Variants in XXYLT1 observed in about 807,000 individuals in gnomAD.
XXYLT1 encodes the protein xyloside xylosyltransferase 1, also known as UDP-xylose:alpha-xyloside alpha-1,3-xylosyltransferase.
XXYLT1 carries 20 observed loss-of-function variants against 28.9 expected under a neutral mutation model. The ratio of observed to expected loss-of-function variants is 0.69; its 90% CI spans 0.49 to 1.00. The LOEUF is 1.00. Ranked by LOEUF, XXYLT1 falls within the 50% of genes least tolerant of loss-of-function variation. The pLI is 0.00. For missense variants in XXYLT1, 542 were observed against 560.1 expected (o/e 0.97, Z 0.33); for synonymous variants, 257 against 253.8 (o/e 1.01, Z -0.12).
intron 2 of XXYLT1, among the ~76,000 whole-genome samples, chr3:195,174,344 C>T (rs1031666661): frequency 2.0e-5 from 3 of 151,988 alleles, no homozygotes; most frequent in African/African-American, 7.3e-5. Flanking sequence ...GGCAATTATA[C>T]CTTTTTTTTT....
intron 3 of XXYLT1, among the ~76,000 whole-genome samples, chr3:195,110,237 T>TGTATAA (rs1717476014): frequency 2.7e-4 from 4 of 14,602 alleles, no homozygotes; most frequent in African/African-American, 5.7e-4. Context: ...AAGTGTGTGG[T>TGTATAA]GTGCGTGTGT....
chr3:195,107,089 A>T (rs1237442380), intron 3 of XXYLT1, among the ~76,000 whole-genome samples: 1 of 152,158 alleles, frequency 6.6e-6, no homozygotes, highest in Non-Finnish European at 1.5e-5. Context: ...GGTGGAATGG[A>T]GAGCTCTCGT....
chr3:195,132,241 T>C (rs574903440), intron 3 of XXYLT1, among the ~76,000 whole-genome samples: 2 of 152,352 alleles, frequency 1.3e-5, no homozygotes, highest in South Asian at 4.1e-4. Context: ...ATTGGCTTTA[T>C]GGAGTTGGGA....
chr3:195,137,759 T>C (rs948195252), intron 3 of XXYLT1, among the ~76,000 whole-genome samples: 3 of 152,248 alleles, frequency 2.0e-5, no homozygotes, highest in Admixed American at 6.5e-5. Context: ...CTTAGTATTA[T>C]GTCATGTGTA....
intron 3 of XXYLT1, among the ~76,000 whole-genome samples, chr3:195,088,209 T>G (rs758835549): frequency 0.041 from 6,173 of 151,510 alleles, 175 homozygotes; most frequent in Non-Finnish European, 0.066. Context: ...TGCCTGCCTC[T>G]GTAGGCTCCA....
intron 3 of XXYLT1, among the ~76,000 whole-genome samples, chr3:195,111,411 C>T (rs377043934): frequency 1.5e-4 from 23 of 151,998 alleles, no homozygotes; most frequent in Admixed American, 3.9e-4. Context: ...CAATCCATAG[C>T]AGAGAGGGGA....
At chr3:195,258,709 G>A (rs959087725) in intron 1 of XXYLT1, among the ~76,000 whole-genome samples, 1 of 152,184 alleles carries the variant, frequency 6.6e-6, no homozygotes, top group African/African-American at 2.4e-5. Context: ...CCTTCCAGCA[G>A]GAAAGAGAAA....
chr3:195,150,808 TCACA>T lies in XXYLT1; in HGVS notation c.785+5637_785+5640del, dbSNP rs1280393882. On this transcript the variant is annotated intron_variant, in intron 3 of 3. Transcript: ENST00000310380. The surrounding 1 kb of genome is among the most constrained non-coding windows in gnomAD (Gnocchi z 4.7). ...CACACATATGCACACTCTCACACACTCACATACACACACACTCACACATACGCAC... is the reference window on the plus strand; with the variant it reads ...CACACATATGCACACTCTCACACACTTACACACACACTCACACATACGCAC... 4.1e-5 allele frequency among the ~76,000 whole-genome samples: 6 copies of T among 144,684 alleles called. No homozygotes were observed. Among genetic ancestry groups the T allele is most frequent in the Non-Finnish European group, 7.6e-5 (5 of 65,600 alleles). 94.9% of individuals were successfully genotyped at this position (144,684 alleles called of 152,430 possible).
At chr3:195,092,905 T>C (rs1201686481) in intron 3 of XXYLT1, among the ~76,000 whole-genome samples, 1 of 111,054 alleles carries the variant, frequency 9.0e-6, no homozygotes, top group Non-Finnish European at 1.7e-5. Flanking sequence ...AAGACATTTA[T>C]GCAGCCAAAA....
intron 2 of XXYLT1, among the ~76,000 whole-genome samples, chr3:195,181,320 C>A (rs1239427113): frequency 6.6e-6 from 1 of 152,144 alleles, no homozygotes; most frequent in Admixed American, 6.5e-5. Context: ...GCATGTTTTG[C>A]CACCAGGCGT....
chr3:195,129,743 C>T lies in XXYLT1; in HGVS notation c.785+26706G>A, dbSNP rs563197210. 5.3e-5 allele frequency among the ~76,000 whole-genome samples: 8 copies of T among 152,158 alleles called. No homozygotes were observed. The highest frequency in any genetic ancestry group is 1.4e-4 in the African/African-American group (6 of 41,500). Reference sequence around the variant, plus strand: ...CTCTCGGGCATTTGGTGATTTCCACCGTTTGGCTATTATGACTCATGCTGA... The same window carrying T: ...CTCTCGGGCATTTGGTGATTTCCACTGTTTGGCTATTATGACTCATGCTGA... On this transcript the variant is annotated intron_variant, in intron 3 of 3. Coordinates refer to ENST00000310380, the MANE Select transcript of XXYLT1 (RefSeq NM_152531.5). The surrounding 1 kb of genome is among the most constrained non-coding windows in gnomAD (Gnocchi z 4.4).
At chr3:195,174,196 C>G (rs1277263715) in intron 2 of XXYLT1, among the ~76,000 whole-genome samples, 1 of 152,204 alleles carries the variant, frequency 6.6e-6, no homozygotes, top group Non-Finnish European at 1.5e-5. Flanking sequence ...GACCCTTTGT[C>G]TAGAGCCTCA....
intron 2 of XXYLT1, among the ~76,000 whole-genome samples, chr3:195,196,322 G>A (rs552595758): frequency 2.0e-5 from 3 of 152,314 alleles, no homozygotes; most frequent in Non-Finnish European, 2.9e-5. Context: ...TGCAGGGTGC[G>A]GCAGGAAGCA....
intron 3 of XXYLT1, among the ~76,000 whole-genome samples, chr3:195,153,563 T>C (rs4677662): frequency 0.13 from 19,739 of 152,226 alleles, 1,519 homozygotes; most frequent in East Asian, 0.27. Context: ...ATGGTTATCA[T>C]AGTACATAAT....
intron 2 of XXYLT1, among the ~76,000 whole-genome samples, chr3:195,177,352 A>G (rs112255581): frequency 0.019 from 2,898 of 152,290 alleles, 93 homozygotes; most frequent in African/African-American, 0.066. Context: ...GATGACCTCA[A>G]ATGAATGAAT....
rs1257744678 is a variant in XXYLT1 at position 195,082,888 on chromosome 3, CT to C, written c.786-12778del. 3.3e-5 allele frequency among the ~76,000 whole-genome samples: 5 copies of C among 152,298 alleles called. No individual in the cohort carries two copies. In the East Asian group the frequency reaches 5.8e-4, roughly 18 times the overall value. On this transcript the variant is annotated intron_variant, in intron 3 of 3. Coordinates refer to ENST00000310380, the MANE Select transcript of XXYLT1 (RefSeq NM_152531.5). The stretch of plus-strand genomic sequence containing the variant: ...TGCCCTCAGCCATAAGGCACCCCCC[CT>C]GCCAAGAGCCAACAGTGAGGTGCCA...
rs145542390 is a variant in XXYLT1, at chr3:195,168,342, C to T, written c.653-11761G>A. ...CAGACACAGGAGATATACTCTACTG[C>T]GTTGTTCTCACCCATGCCCAGCTAA... On this transcript the variant is annotated intron_variant, in intron 2 of 3. Transcript: ENST00000310380. This position sits in a 1 kb window ranked among gnomAD's most constrained non-coding sequence, Gnocchi z 4.3. 6.7e-4 allele frequency among the ~76,000 whole-genome samples: 102 copies of T among 152,216 alleles called. No individual in the cohort carries two copies. Among genetic ancestry groups the T allele is most frequent in the African/African-American group, 2.4e-3 (98 of 41,528 alleles).
chr3:195,147,347 A>G (rs1719910434), intron 3 of XXYLT1, among the ~76,000 whole-genome samples: 1 of 152,198 alleles, frequency 6.6e-6, no homozygotes, highest in African/African-American at 2.4e-5. Flanking sequence ...AGGCAGGTGG[A>G]TCACCTGAGG....
At chr3:195,137,645 G>A (rs2131877) in intron 3 of XXYLT1, among the ~76,000 whole-genome samples, 31,715 of 152,110 alleles carry the variant, frequency 0.21, 3,834 homozygotes, top group East Asian at 0.56. Context: ...TAACCTCTCC[G>A]TGCTCTGTAA....
Sources: gnomAD v4.1 joint callset for allele counts (sites outside exome capture counted in the v4.1 genomes callset) on GRCh38, gnomAD v4.1.1 for gene constraint, Gnocchi (gnomAD v3.1) non-coding constraint, MANE v1.5 for transcripts, NCBI Gene and HGNC (gene_info 2026-07-23, HGNC 2026-07-21) for gene names.